The following MANEA variants were observed in gnomAD, a reference collection of about 807,000 sequenced individuals.
The protein encoded by MANEA is mannosidase endo-alpha.
MANEA carries 25 observed loss-of-function variants against 36.8 expected under a neutral mutation model. The ratio of observed to expected loss-of-function variants is 0.68; its 90% confidence interval spans 0.50 to 0.95. The LOEUF (loss-of-function observed/expected upper bound fraction) is 0.95, where lower values mean the gene tolerates loss of function less well. MANEA is among the 40% of genes least tolerant of loss of function. MANEA has a pLI of 0.00. For missense variants in MANEA, 565 were observed against 558.8 expected (o/e 1.01, Z -0.11); for synonymous variants, 198 against 188.5 (o/e 1.05, Z -0.41).
intron 3 of MANEA, among the ~76,000 whole-genome samples, chr6:95,597,587 A>T (rs1387791696): frequency 6.6e-6 from 1 of 152,088 alleles, no homozygotes; most frequent in Non-Finnish European, 1.5e-5. Flanking sequence ...TAGAGTCTGC[A>T]TTCTCTGACC....
intron 1 of MANEA, among the ~76,000 whole-genome samples, chr6:95,582,041 ATAT>A: frequency 6.6e-6 from 1 of 152,066 alleles, no homozygotes; most frequent in South Asian, 2.1e-4. Context: ...TACATCCAAA[ATAT>A]TATTTTTGCT....
Position 95,606,479 on chromosome 6 carries a change from A to G in MANEA, c.*74A>G. ...ATAGCTTTCGTTTTGAGTTCTGGAAAGAAAACTGTCAAAATCAGTATATAC... is the reference window on the plus strand; with the variant it reads ...ATAGCTTTCGTTTTGAGTTCTGGAAGGAAAACTGTCAAAATCAGTATATAC... On this transcript the variant is annotated 3_prime_UTR_variant, in exon 5 of 5. Coordinates refer to ENST00000358812, the MANE Select transcript of MANEA (RefSeq NM_024641.4). 9.1e-7 allele frequency: 1 copy of G among 1,100,156 alleles called. No individual in the cohort carries two copies. The highest frequency in any genetic ancestry group is 1.3e-6 in the Non-Finnish European group (1 of 785,392). The allele number at this position is 1,100,156 out of a possible 1,614,324, so 68.1% of individuals were successfully genotyped here.
chr6:95,603,453 A>G (rs1242355182), intron 3 of MANEA, among the ~76,000 whole-genome samples: 1 of 152,160 alleles, frequency 6.6e-6, no homozygotes, highest in Non-Finnish European at 1.5e-5. Flanking sequence ...AATACTAACA[A>G]TATGCTGCAA....
chr6:95,583,412 T>C (rs1769219995), intron 1 of MANEA, among the ~76,000 whole-genome samples: 1 of 152,096 alleles, frequency 6.6e-6, no homozygotes. Flanking sequence ...AATACACATA[T>C]ATGTGCATGT....
At chr6:95,593,122 TACTC>T (rs1464485181) in intron 2 of MANEA, among the ~76,000 whole-genome samples, 1 of 152,184 alleles carries the variant, frequency 6.6e-6, no homozygotes, top group African/African-American at 2.4e-5. Flanking sequence ...TTATAAGTGA[TACTC>T]AGTTGGCTTA....
rs984829222 is a variant in MANEA, at chr6:95,609,389, T to C, written c.*2984T>C. The C allele has an allele frequency of 6.6e-6, 1 of 151,782 alleles. No individual in the cohort carries two copies. Among genetic ancestry groups the C allele is most frequent in the Non-Finnish European group, 1.5e-5 (1 of 67,700 alleles). The allele number at this position is 151,782 out of a possible 1,614,324, so 9.4% of individuals were successfully genotyped here. The stretch of plus-strand genomic sequence containing the variant: ...CTGTTTTAAGATTGTAATTAAAAAT[T>C]ACTATTTTGTTATATGGAATGGTTA... On this transcript the variant is annotated 3_prime_UTR_variant, in exon 5 of 5. Transcript: ENST00000358812.
Position 95,596,885 on chromosome 6 carries a change from CT to C in MANEA, c.654+43del, listed in dbSNP as rs557141438. 3.6e-4 allele frequency: 375 copies of C among 1,041,918 alleles called. 4 individuals carry two copies. In the East Asian group the frequency reaches 8.9e-3, roughly 25 times the overall value. The allele number at this position is 1,041,918 out of a possible 1,614,324, so 64.5% of individuals were successfully genotyped here. On this transcript the variant is annotated intron_variant, in intron 3 of 4. Coordinates refer to ENST00000358812, the MANE Select transcript of MANEA (RefSeq NM_024641.4). The stretch of plus-strand genomic sequence containing the variant: ...TTTTCAAGCTATACATAAGTTAATT[CT>C]TTTGGACAAGAGGAGAGTAATAACA...
chr6:95,586,400 A>G lies in MANEA; in HGVS notation c.-38-2A>G, dbSNP rs1195108637. The G allele has an allele frequency of 7.4e-6, 11 of 1,493,580 alleles. No homozygotes were observed. The highest frequency in any genetic ancestry group is 9.1e-6 in the Non-Finnish European group (10 of 1,098,838). 92.5% of individuals were successfully genotyped at this position (1,493,580 alleles called of 1,614,324 possible). A position where few individuals can be genotyped will look rare whatever the true frequency, so the allele number is the denominator to read the frequency against. ...TAATTATCTTTTTTCAATAAATTGC[A>G]GCAAAACACTTACTATTTTGGAGTT... On this transcript the variant is annotated splice_acceptor_variant, in intron 1 of 4. Coordinates refer to ENST00000358812, the MANE Select transcript of MANEA (RefSeq NM_024641.4). LOFTEE classifies it low-confidence loss of function (5UTR_SPLICE).
At position 95,606,896 on chromosome 6, in the gene MANEA, T is replaced by C. The variant is rs191940144; in HGVS notation, c.*491T>C. ...CTTTATTGTCTTAGTATTTAGACTC[T>C]GGATAACTCTACAATAATGAGGAAA... On this transcript the variant is annotated 3_prime_UTR_variant, in exon 5 of 5. Transcript: ENST00000358812. 8.5e-5 allele frequency: 13 copies of C among 152,338 alleles called. No individual in the cohort carries two copies. The East Asian group carries it at 2.1e-3, about 25-fold the overall frequency. The allele number at this position is 152,338 out of a possible 1,614,324, so 9.4% of individuals were successfully genotyped here.
At chr6:95,602,843 AC>A (rs1344380687) in intron 3 of MANEA, among the ~76,000 whole-genome samples, 1 of 149,178 alleles carries the variant, frequency 6.7e-6, no homozygotes, top group Non-Finnish European at 1.5e-5. Flanking sequence ...ACAAGGTGAA[AC>A]CCCGTCTCTA....
At chr6:95,588,762 T>C (rs1213818960) in intron 2 of MANEA, among the ~76,000 whole-genome samples, 1 of 151,590 alleles carries the variant, frequency 6.6e-6, no homozygotes, top group Non-Finnish European at 1.5e-5. Context: ...ATTATAAATA[T>C]AACTAATATT....
At chr6:95,592,680 T>C (rs1769405636) in intron 2 of MANEA, among the ~76,000 whole-genome samples, 2 of 152,182 alleles carry the variant, frequency 1.3e-5, no homozygotes. Context: ...TACTGTCTTC[T>C]TGTTATTAAG....
At chr6:95,589,091 A>G (rs1769338012) in intron 2 of MANEA, among the ~76,000 whole-genome samples, 1 of 151,540 alleles carries the variant, frequency 6.6e-6, no homozygotes, top group Admixed American at 6.6e-5. Flanking sequence ...ACAAAATTAA[A>G]AAATAAACTT....
Position 95,605,960 on chromosome 6 carries a change from G to A in MANEA, c.944G>A (p.Ser315Asn), listed in dbSNP as rs1438658386. The A allele has an allele frequency of 6.2e-7, 1 of 1,613,898 alleles. No individual in the cohort carries two copies. Among genetic ancestry groups the A allele is most frequent in the Admixed American group, 1.7e-5 (1 of 59,986 alleles). ...AAACATAAGTATGATATTCTTCAAAGTGGTTTTGATGGAATTTACACATAT... is the reference window on the plus strand; with the variant it reads ...AAACATAAGTATGATATTCTTCAAAATGGTTTTGATGGAATTTACACATAT... ...EEKHKYDILQ[S>N]GFDGIYTYFA... is the part of the protein sequence containing the mutation. Residue 315 changes from serine to asparagine, a missense_variant, in exon 5 of 5, where the codon AGT becomes AAT. Physicochemically the swap from Ser to Asn is conservative, Grantham distance 46. Coordinates refer to ENST00000358812, the MANE Select transcript of MANEA (RefSeq NM_024641.4).
rs770033399 is a variant in MANEA at position 95,606,306 on chromosome 6, T to A, written c.1290T>A (p.His430Gln). Residue 430 changes from histidine (H) to glutamine (Q), a missense_variant, in exon 5 of 5, where the codon CAT becomes CAA. Transcript: ENST00000358812. ...CAGTGTACCTAGATTACCGTCCTCA[T>A]AAACCAGGTCTTTACCTAGAACTGA... ...SNTVYLDYRP[H>Q]KPGLYLELTR... The A allele has an allele frequency of 1.1e-5, 17 of 1,612,252 alleles. No individual in the cohort carries two copies. The highest frequency in any genetic ancestry group is 1.4e-5 in the Non-Finnish European group (17 of 1,179,912).
chr6:95,604,600 A>G (rs1769665304), intron 3 of MANEA, among the ~76,000 whole-genome samples: 1 of 152,116 alleles, frequency 6.6e-6, no homozygotes, highest in African/African-American at 2.4e-5. Flanking sequence ...AAACAGAAAT[A>G]CCTTAGGGAG....
Position 95,588,929 on chromosome 6 carries a change from C to A in MANEA, c.544+1946C>A, listed in dbSNP as rs181804023. 4.4e-4 allele frequency among the ~76,000 whole-genome samples: 67 copies of A among 151,730 alleles called. No individual in the cohort carries two copies. In the East Asian group the frequency reaches 0.012, roughly 28 times the overall value. On this transcript the variant is annotated intron_variant, in intron 2 of 4. Transcript: ENST00000358812. ...TTATGCCTATTCATATTTATAAAGA[C>A]CTTTTTCCCTGTATAATATTTTAGT... is the stretch of plus-strand genomic sequence containing the variant.
At chr6:95,577,661 C>T (rs1769092158) in intron 1 of MANEA, 23 bp downstream of exon 1, 1 of 152,268 alleles carries the variant, frequency 6.6e-6, no homozygotes, top group African/African-American at 2.4e-5. Flanking sequence ...AGGAGTCAGA[C>T]CTCTTGGAGG....
At chr6:95,583,087 T>A (rs76776850) in intron 1 of MANEA, among the ~76,000 whole-genome samples, 3 of 152,290 alleles carry the variant, frequency 2.0e-5, no homozygotes, top group African/African-American at 7.2e-5. Context: ...TAATTAGATA[T>A]CTTCTGGAGG....
Sources: allele counts gnomAD v4.1 joint callset (sites outside exome capture counted in the v4.1 genomes callset), GRCh38; gene constraint gnomAD v4.1.1; transcripts MANE v1.5; gene names NCBI Gene and HGNC (gene_info 2026-07-23, HGNC 2026-07-21).